Variants in RBFOX1 observed in about 807,000 individuals in gnomAD.
RBFOX1 encodes the protein RNA binding protein fox-1 homolog 1.
Under a neutral mutation model 57.7 loss-of-function variants are expected in RBFOX1, and 8 were observed. The observed-to-expected ratio is 0.14, with a 90% CI of 0.08 to 0.25. The LOEUF is 0.25. Ranked by LOEUF, RBFOX1 falls within the 10% of genes least tolerant of loss-of-function variation. The pLI, the probability that RBFOX1 is intolerant of heterozygous loss-of-function variation, is 1.00. For synonymous variants in RBFOX1, 326 were observed against 222.4 expected (o/e 1.47, Z -4.15); for missense variants, 611 against 548.5 (o/e 1.11, Z -1.14).
At chr16:7,010,093 G>A (rs1310522190) in intron 3 of RBFOX1, among the ~76,000 whole-genome samples, 1 of 152,162 alleles carries the variant, frequency 6.6e-6, no homozygotes, top group Non-Finnish European at 1.5e-5. Context: ...TTCTATAACG[G>A]TTTGCCTAAG....
intron 4 of RBFOX1, among the ~76,000 whole-genome samples, chr16:5,920,081 C>G (rs2058788762): frequency 6.6e-6 from 1 of 152,132 alleles, no homozygotes; most frequent in Non-Finnish European, 1.5e-5. Context: ...CTACAGGCGC[C>G]CGCCACCACA....
chr16:6,885,162 C>T (rs2063731467), intron 3 of RBFOX1, among the ~76,000 whole-genome samples: 1 of 152,308 alleles, frequency 6.6e-6, no homozygotes, highest in East Asian at 1.9e-4. Context: ...TCCTCCTTCC[C>T]TAATTCCCAG....
intron 6 of RBFOX1, among the ~76,000 whole-genome samples, chr16:7,580,337 C>G (rs116917605): frequency 2.8e-4 from 42 of 152,134 alleles, no homozygotes; most frequent in African/African-American, 9.6e-4. Flanking sequence ...TTAGTGTATC[C>G]CTGCATTGCC....
upstream of RBFOX1, among the ~76,000 whole-genome samples, chr16:6,016,266 G>C (rs1165498482): frequency 6.6e-6 from 1 of 152,008 alleles, no homozygotes. Flanking sequence ...CCTATGGGGG[G>C]CTGGGTAGGG....
At chr16:6,922,904 T>C (rs1294725791) in intron 3 of RBFOX1, among the ~76,000 whole-genome samples, 8 of 152,210 alleles carry the variant, frequency 5.3e-5, no homozygotes, top group Non-Finnish European at 8.8e-5. Context: ...AGGGGGTCTA[T>C]ATGTCTGTAT....
At chr16:7,033,855 G>C (rs2153695542) in intron 3 of RBFOX1, among the ~76,000 whole-genome samples, 1 of 152,284 alleles carries the variant, frequency 6.6e-6, no homozygotes, top group East Asian at 1.9e-4. Context: ...TGTGGGCCCA[G>C]CTACTCAGGA....
chr16:6,338,126 C>T (rs1298836913), intron 2 of RBFOX1, among the ~76,000 whole-genome samples: 1 of 152,124 alleles, frequency 6.6e-6, no homozygotes, highest in African/African-American at 2.4e-5. Flanking sequence ...CTTTGGATTA[C>T]TGTTTTTTAG....
intron 14 of RBFOX1, among the ~76,000 whole-genome samples, chr16:7,685,293 C>T (rs531068740): frequency 1.3e-5 from 2 of 152,240 alleles, no homozygotes; most frequent in South Asian, 4.1e-4. Context: ...TTACCATTGC[C>T]TCTCTACTCT....
At chr16:6,341,226 T>A (rs2084519921) in intron 2 of RBFOX1, among the ~76,000 whole-genome samples, 1 of 152,182 alleles carries the variant, frequency 6.6e-6, no homozygotes, top group Admixed American at 6.5e-5. Flanking sequence ...CCTGTTTCCT[T>A]GCTTTTTTTT....
chr16:5,718,973 T>TA (rs35859261), intron 3 of RBFOX1, among the ~76,000 whole-genome samples: 3,136 of 146,878 alleles, frequency 0.021, 129 homozygotes, highest in East Asian at 0.17. Context: ...TGTGTATAGT[T>TA]AAAAAAAAAA....
At chr16:6,547,011 G>C (rs901867181) in intron 2 of RBFOX1, among the ~76,000 whole-genome samples, 2 of 152,190 alleles carry the variant, frequency 1.3e-5, no homozygotes, top group Non-Finnish European at 2.9e-5. Flanking sequence ...GCTTAGCCAG[G>C]AGAGGCAGAT....
At chr16:6,266,898 T>C (rs866384963) in intron 1 of RBFOX1, among the ~76,000 whole-genome samples, 2 of 152,174 alleles carry the variant, frequency 1.3e-5, no homozygotes, top group Non-Finnish European at 2.9e-5. Context: ...GGAAGCTTGA[T>C]TGATTCGCTT....
intron 2 of RBFOX1, among the ~76,000 whole-genome samples, chr16:6,459,947 G>A (rs1376725012): frequency 1.7e-5 from 2 of 119,236 alleles, no homozygotes; most frequent in Non-Finnish European, 3.2e-5. Flanking sequence ...TAGTGCCATT[G>A]CACTCCAGCC....
At chr16:5,512,135 A>G (rs2043616593) in intron 2 of RBFOX1, among the ~76,000 whole-genome samples, 1 of 152,148 alleles carries the variant, frequency 6.6e-6, no homozygotes, top group African/African-American at 2.4e-5. Flanking sequence ...GCTTCTGCTA[A>G]GTGGTGGAGA....
chr16:7,697,224 TGGG>T (rs2079077452), intron 14 of RBFOX1, among the ~76,000 whole-genome samples: 1 of 152,102 alleles, frequency 6.6e-6, no homozygotes, highest in Non-Finnish European at 1.5e-5. Context: ...GGGGTGGCTG[TGGG>T]TGAGAAGTGG....
intron 2 of RBFOX1, among the ~76,000 whole-genome samples, chr16:5,559,749 T>C (rs1003714163): frequency 6.6e-6 from 1 of 152,210 alleles, no homozygotes; most frequent in African/African-American, 2.4e-5. Context: ...TTAAAAAGTC[T>C]TCAGTGATAA....
At chr16:5,803,733 G>A (rs941448422) in intron 3 of RBFOX1, among the ~76,000 whole-genome samples, 1 of 152,084 alleles carries the variant, frequency 6.6e-6, no homozygotes, top group East Asian at 1.9e-4. Context: ...AGAGTGAATA[G>A]GATGCATTAT....
chr16:7,392,897 A>G (rs1030564431), intron 4 of RBFOX1, among the ~76,000 whole-genome samples: 2 of 151,808 alleles, frequency 1.3e-5, no homozygotes, highest in African/African-American at 4.8e-5. Flanking sequence ...GTTTTGAGAC[A>G]GAGTCTTGCT....
intron 3 of RBFOX1, among the ~76,000 whole-genome samples, chr16:6,763,669 G>C (rs566041448): frequency 6.6e-6 from 1 of 152,092 alleles, no homozygotes; most frequent in Non-Finnish European, 1.5e-5. Flanking sequence ...GCAAAGTATC[G>C]GGTCTGTTTT....
Sources: allele counts gnomAD v4.1 joint callset (sites outside exome capture counted in the v4.1 genomes callset), GRCh38; gene constraint gnomAD v4.1.1; transcripts MANE v1.5; gene names NCBI Gene and HGNC (gene_info 2026-07-23, HGNC 2026-07-21).